CNTLN: variants seen among roughly 807,000 people sequenced by gnomAD.
CNTLN encodes the protein centlein, centrosomal protein.
Under a neutral mutation model 180.0 loss-of-function variants are expected in CNTLN, and 212 were observed. The ratio of observed to expected loss-of-function variants is 1.18; its 90% CI spans 1.05 to 1.32. The LOEUF (loss-of-function observed/expected upper bound fraction) is 1.32. Ranked by LOEUF, CNTLN falls within the 40% of genes most tolerant of loss-of-function variation. CNTLN has a pLI of 0.00. For missense variants in CNTLN, 2,095 were observed against 1,610.9 expected (o/e 1.30, Z -5.14); for synonymous variants, 722 against 563.1 (o/e 1.28, Z -3.99).
At chr9:17,234,071 A>T (rs1175915155) in intron 3 of CNTLN, among the ~76,000 whole-genome samples, 1 of 152,122 alleles carries the variant, frequency 6.6e-6, no homozygotes, top group Admixed American at 6.6e-5. Flanking sequence ...TTACACACTG[A>T]TCACAGATTA....
intron 4 of CNTLN, 131 bp from the exon 5 acceptor site, chr9:17,236,278 T>A (rs1409766039): frequency 1.5e-6 from 1 of 689,062 alleles, no homozygotes; most frequent in Non-Finnish European, 2.3e-6. Context: ...TGACCTTGGC[T>A]ATCAAATATA....
At chr9:17,509,386 G>A in the CNTLN span, among the ~76,000 whole-genome samples, 1 of 152,192 alleles carries the variant, frequency 6.6e-6, no homozygotes, top group Non-Finnish European at 1.5e-5. Flanking sequence ...TGCACAAAAT[G>A]CTTCTGCCAA....
chr9:17,301,985 A>G (rs1399751187), intron 7 of CNTLN: 2 of 971,354 alleles, frequency 2.1e-6, no homozygotes, highest in Non-Finnish European at 2.4e-6. Context: ...ACTGTTGGTT[A>G]TATATGTTAT....
At chr9:17,235,553 C>A in intron 3 of CNTLN, 105 bp from the exon 4 acceptor site, 1 of 877,502 alleles carries the variant, frequency 1.1e-6, no homozygotes, top group Non-Finnish European at 1.7e-6. Context: ...ATTATGAAAG[C>A]TATTTAATCA....
intron 6 of CNTLN, among the ~76,000 whole-genome samples, chr9:17,276,952 T>A (rs1320805049): frequency 6.6e-6 from 1 of 152,066 alleles, no homozygotes; most frequent in African/African-American, 2.4e-5. Context: ...TATGCATATA[T>A]AATGATGTAC....
At chr9:17,382,836 A>G (rs1298895413) in intron 13 of CNTLN, among the ~76,000 whole-genome samples, 1 of 152,214 alleles carries the variant, frequency 6.6e-6, no homozygotes, top group East Asian at 1.9e-4. Context: ...AAATTCATTT[A>G]TCCCACTGAA....
At chr9:17,308,929 T>C (rs1438250062) in intron 7 of CNTLN, 129 bp from the exon 8 acceptor site, 1 of 437,898 alleles carries the variant, frequency 2.3e-6, no homozygotes, top group Non-Finnish European at 3.9e-6. Flanking sequence ...CTGAGACTAT[T>C]AAAATAACCT....
intron 7 of CNTLN, among the ~76,000 whole-genome samples, chr9:17,305,231 C>A (rs1211948007): frequency 6.6e-6 from 1 of 152,008 alleles, no homozygotes; most frequent in Non-Finnish European, 1.5e-5. Context: ...CAGAAAATAG[C>A]ATGAAGAATA....
chr9:17,347,611 G>C (rs1822002413), intron 12 of CNTLN, among the ~76,000 whole-genome samples: 1 of 150,566 alleles, frequency 6.6e-6, no homozygotes, highest in Non-Finnish European at 1.5e-5. Flanking sequence ...GGAGGTTGCA[G>C]TGAACCGAGA....
intron 5 of CNTLN, among the ~76,000 whole-genome samples, chr9:17,265,415 T>G (rs1012760259): frequency 4.7e-4 from 72 of 152,262 alleles, no homozygotes; most frequent in Admixed American, 7.8e-4. Flanking sequence ...TGGATAAGCT[T>G]TTTGATGTGC....
intron 12 of CNTLN, among the ~76,000 whole-genome samples, chr9:17,358,329 T>G (rs1823013558): frequency 6.6e-6 from 1 of 152,062 alleles, no homozygotes. Flanking sequence ...TAGAAATGCT[T>G]AAAAAGCAAA....
At chr9:17,342,214 C>T (rs904075889) in intron 11 of CNTLN, 111 bp from the exon 12 acceptor site, 52 of 1,040,728 alleles carry the variant, frequency 5.0e-5, no homozygotes, top group African/African-American at 3.8e-4. Context: ...ATGGTGAACT[C>T]GAGTTAGAAA....
chr9:17,493,673 A>G (rs1247450466), intron 25 of CNTLN, among the ~76,000 whole-genome samples: 4 of 152,210 alleles, frequency 2.6e-5, no homozygotes, highest in Non-Finnish European at 4.4e-5. Context: ...ATAGAACAAG[A>G]TACGTGAAGC....
chr9:17,469,601 C>A (rs1831944182), intron 23 of CNTLN, among the ~76,000 whole-genome samples: 1 of 151,834 alleles, frequency 6.6e-6, no homozygotes, highest in Non-Finnish European at 1.5e-5. Flanking sequence ...ATCAATGCTT[C>A]CTCCTTTTTA....
intron 12 of CNTLN, among the ~76,000 whole-genome samples, chr9:17,352,416 A>ATATATATATATATAT (rs1469636947): frequency 6.4e-5 from 2 of 31,304 alleles, no homozygotes; most frequent in African/African-American, 2.4e-4. Context: ...ATATATATAT[A>ATATATATATATATAT]TTTTTTTTTT....
intron 13 of CNTLN, among the ~76,000 whole-genome samples, chr9:17,385,987 A>T (rs183470928): frequency 6.6e-5 from 10 of 152,312 alleles, no homozygotes; most frequent in Non-Finnish European, 1.3e-4. Context: ...AAGTGAAATA[A>T]AAATAGCAAT....
In CNTLN at chr9:17,477,258, G is replaced by C. The variant is rs1376428129; in HGVS notation, c.3856-7037G>C. 2.0e-5 allele frequency among the ~76,000 whole-genome samples: 3 copies of C among 152,158 alleles called. No individual in the cohort carries two copies. The East Asian group carries it at 5.8e-4, about 29-fold the overall frequency. ...CTAGTCACCCAAGAGCTTTGATGGA[G>C]ATGTACATTGAGATTAATGCTGTTT... is the stretch of plus-strand genomic sequence containing the variant. On this transcript the variant is annotated intron_variant, in intron 23 of 25. Transcript: ENST00000380647.
intron 25 of CNTLN, among the ~76,000 whole-genome samples, chr9:17,488,736 T>C (rs1025217231): frequency 3.9e-5 from 6 of 152,094 alleles, no homozygotes; most frequent in African/African-American, 1.4e-4. Flanking sequence ...TACTGCAGCT[T>C]GATATAGTGC....
chr9:17,266,278 C>T (rs1055645351), intron 5 of CNTLN, among the ~76,000 whole-genome samples: 1 of 152,098 alleles, frequency 6.6e-6, no homozygotes. Context: ...TTTATTTCTG[C>T]CTTCATTTCA....
Sources: allele counts gnomAD v4.1 joint callset (sites outside exome capture counted in the v4.1 genomes callset), GRCh38; gene constraint gnomAD v4.1.1; transcripts MANE v1.5; gene names NCBI Gene and HGNC (gene_info 2026-07-23, HGNC 2026-07-21).